TCF3: variants seen among roughly 807,000 people sequenced by gnomAD.
The protein encoded by TCF3 is transcription factor 3.
In TCF3, 54 loss-of-function variants were observed where a neutral mutation model predicts 72.3. The observed-to-expected ratio is 0.75, with a 90% CI of 0.60 to 0.94. The LOEUF (loss-of-function observed/expected upper bound fraction) is 0.94, where lower values mean the gene tolerates loss of function less well. TCF3 is among the 40% of genes least tolerant of loss of function. The probability of loss-of-function intolerance (pLI) is 0.00; values close to 1 mark genes in which losing one functional copy is unlikely to be tolerated. For synonymous variants in TCF3, 525 were observed against 412.6 expected (o/e 1.27, Z -3.30); for missense variants, 1,078 against 934.4 (o/e 1.15, Z -2.00).
chr19:1,613,207 T>C (rs750253617), intron 18 of TCF3, among the ~76,000 whole-genome samples: 7 of 152,148 alleles, frequency 4.6e-5, no homozygotes, highest in Non-Finnish European at 1.0e-4. Flanking sequence ...ACGCGGCGAA[T>C]GTGCTCCCTG....
rs765976155 is a variant in TCF3, at chr19:1,620,993, G to C, written c.1068C>G (p.Pro356=). Residue 356 remains proline (P), a synonymous_variant, in exon 13 of 19, where the codon CCC becomes CCG. Coordinates refer to ENST00000262965, the MANE Select transcript of TCF3 (RefSeq NM_003200.5). ...SNNFSSSPST[P]VGSPQGLAGT... ...CTGCCAGGCCCTGGGGGGAGCCCAC[G>C]GGGGTAGAAGGGCTGGACGAGAAGT... is the stretch of plus-strand genomic sequence containing the variant. The C allele has an allele frequency of 2.0e-6, 3 of 1,513,240 alleles. No homozygotes were observed. Among genetic ancestry groups the C allele is most frequent in the Non-Finnish European group, 8.8e-7 (1 of 1,131,692 alleles). 93.7% of individuals were successfully genotyped at this position (1,513,240 alleles called of 1,614,324 possible).
chr19:1,610,963 G>A lies in TCF3; in HGVS notation c.*744C>T, dbSNP rs2145686499. 2 of 228,424 alleles carry A rather than the reference G, an allele frequency of 8.8e-6. No individual in the cohort carries two copies. The highest frequency in any genetic ancestry group is 6.2e-5 in the East Asian group (1 of 16,078). 14.1% of individuals were successfully genotyped at this position (228,424 alleles called of 1,614,324 possible). ...GACGGGGGGGCTCAGGTTTACACGG[G>A]GTCTTTTTAATACAACGTTTAATCA... On this transcript the variant is annotated 3_prime_UTR_variant, in exon 19 of 19. Transcript: ENST00000262965.
In TCF3 at chr19:1,625,590, G is replaced by A; in HGVS notation, c.485C>T (p.Ala162Val). 6.3e-7 allele frequency: 1 copy of A among 1,584,894 alleles called. No individual in the cohort carries two copies. Among genetic ancestry groups the A allele is most frequent in the Non-Finnish European group, 8.6e-7 (1 of 1,168,442 alleles). Residue 162 changes from alanine (A) to valine (V), a missense_variant, in exon 7 of 19, where the codon GCA becomes GTA. Transcript: ENST00000262965. ...SYSGSSRRRA[A>V]DGSLDTQPKK... ...ACCCCGCTCACCTAGGCTGCCGTCT[G>A]CCGCTCTCCGCCGGGAGCTGCCGGA... is the stretch of plus-strand genomic sequence containing the variant.
chr19:1,626,742 C>A (rs993627173), intron 6 of TCF3, among the ~76,000 whole-genome samples: 5 of 152,178 alleles, frequency 3.3e-5, no homozygotes, highest in Admixed American at 2.0e-4. Context: ...CTGCCCCTGG[C>A]GCAGAGCCTG....
chr19:1,629,353 G>A (rs932493957), intron 5 of TCF3, among the ~76,000 whole-genome samples: 3 of 151,502 alleles, frequency 2.0e-5, no homozygotes, highest in Admixed American at 1.3e-4. Context: ...CCAGCATTCA[G>A]CCTTCAGGCC....
At chr19:1,630,053 C>G (rs976216376) in intron 5 of TCF3, among the ~76,000 whole-genome samples, 2 of 152,240 alleles carry the variant, frequency 1.3e-5, no homozygotes, top group Non-Finnish European at 2.9e-5. Flanking sequence ...CCTCTCCAAG[C>G]TGCCTGGCTA....
chr19:1,650,107 C>T (rs916447991), intron 2 of TCF3, 70 bp downstream of exon 2: 17 of 1,411,744 alleles, frequency 1.2e-5, no homozygotes, highest in Non-Finnish European at 1.5e-5. Flanking sequence ...CAAACACTCT[C>T]CCCTGAAAAC....
Position 1,650,319 on chromosome 19 carries a change from G to C in TCF3, c.-39-32C>G, listed in dbSNP as rs908956972. The C allele has an allele frequency of 2.7e-5, 39 of 1,434,674 alleles. No homozygotes were observed. In the Admixed American group the frequency reaches 7.3e-4, roughly 27 times the overall value. The allele number at this position is 1,434,674 out of a possible 1,614,324, so 88.9% of individuals were successfully genotyped here. A position where few individuals can be genotyped will look rare whatever the true frequency, so the allele number is the denominator to read the frequency against. On this transcript the variant is annotated intron_variant, in intron 1 of 18. Coordinates refer to ENST00000262965, the MANE Select transcript of TCF3 (RefSeq NM_003200.5). ...GGTGGATGTGGGGACAGATGGACAG[G>C]GAGAAACAGGGAGGGGAGAAGAGTT...
chr19:1,640,674 C>T (rs185953031), intron 3 of TCF3, among the ~76,000 whole-genome samples: 195 of 151,988 alleles, frequency 1.3e-3, no homozygotes, highest in Middle Eastern at 3.4e-3. Flanking sequence ...AAAACTTAGC[C>T]GGCACCTGTA....
At chr19:1,639,447 G>A (rs1431034509) in intron 3 of TCF3, among the ~76,000 whole-genome samples, 1 of 152,146 alleles carries the variant, frequency 6.6e-6, no homozygotes, top group Non-Finnish European at 1.5e-5. Flanking sequence ...TACGTCAACA[G>A]AGAAACCGAC....
At chr19:1,621,670 C>G (rs2062236207) in intron 11 of TCF3, among the ~76,000 whole-genome samples, 168 bp downstream of exon 11, 1 of 152,200 alleles carries the variant, frequency 6.6e-6, no homozygotes, top group South Asian at 2.1e-4. Flanking sequence ...AAGCCCAACG[C>G]ACGTGGCAGG....
intron 3 of TCF3, among the ~76,000 whole-genome samples, chr19:1,643,552 G>T (rs1666583903): frequency 6.6e-6 from 1 of 151,980 alleles, no homozygotes; most frequent in Non-Finnish European, 1.5e-5. Flanking sequence ...GGGTCTCTCA[G>T]TCACCCAGGC....
intron 12 of TCF3, 38 bp from the exon 13 acceptor site, chr19:1,621,084 C>G: frequency 6.6e-7 from 1 of 1,518,558 alleles, no homozygotes; most frequent in Non-Finnish European, 8.9e-7. Context: ...GGTCAGGGGC[C>G]GGCCTCTCAG....
At chr19:1,617,135 A>G (rs2061629306) in intron 16 of TCF3, among the ~76,000 whole-genome samples, 1 of 152,280 alleles carries the variant, frequency 6.6e-6, no homozygotes, top group South Asian at 2.1e-4. Context: ...GGACCTGAAC[A>G]GTCAAAATCT....
chr19:1,648,122 G>T (rs564992710), intron 2 of TCF3, among the ~76,000 whole-genome samples: 1 of 152,206 alleles, frequency 6.6e-6, no homozygotes, highest in Admixed American at 6.5e-5. Flanking sequence ...ACAAAGGCGC[G>T]CTGGGAACAG....
rs760553568 is a variant in TCF3 at position 1,622,327 on chromosome 19, G to A, written c.638C>T (p.Pro213Leu). 6.5e-7 allele frequency: 1 copy of A among 1,533,798 alleles called. No homozygotes were observed. The highest frequency in any genetic ancestry group is 1.3e-5 in the South Asian group (1 of 78,934). The stretch of plus-strand genomic sequence containing the variant: ...CTGCCATGTACCTGCCACGTAGAAG[G>A]GGGCGGGATAGGTGCTGCTGGGGGT... ...AKTPSSTYPAPFYVADGSLHP... is the reference protein window; with the variant it reads ...AKTPSSTYPALFYVADGSLHP... The change falls in exon 9 of 19, where the codon CCC (proline) becomes CTC (leucine). Residue 213 changes from proline to leucine, a missense_variant. Transcript: ENST00000262965.
At position 1,625,683 on chromosome 19, in the gene TCF3, G is replaced by A; in HGVS notation, c.392C>T (p.Ala131Val). ...TQAGFLSGEL[A>V]LNSPGPLSPS... is the part of the protein sequence containing the mutation. ...GGACAGGGGCCCGGGGCTGTTGAGG[G>A]CCAGCTCGCCTGACAGGAAGCCAGC... The change falls in exon 7 of 19, where the codon GCC (alanine) becomes GTC (valine). Residue 131 changes from alanine to valine, a missense_variant. By Grantham distance (64) the Ala-to-Val change is moderately conservative. Transcript: ENST00000262965. 6.6e-7 allele frequency: 1 copy of A among 1,518,612 alleles called. No individual in the cohort carries two copies. Among genetic ancestry groups the A allele is most frequent in the Non-Finnish European group, 8.8e-7 (1 of 1,139,966 alleles). 94.1% of individuals were successfully genotyped at this position (1,518,612 alleles called of 1,614,324 possible).
chr19:1,651,703 G>A (rs553758706), intron 1 of TCF3, among the ~76,000 whole-genome samples: 1 of 151,116 alleles, frequency 6.6e-6, no homozygotes, highest in Non-Finnish European at 1.5e-5. Flanking sequence ...CCCTCCCCCC[G>A]CAGCCGGTGC....
Position 1,625,686 on chromosome 19 carries a change from A to T in TCF3, c.389T>A (p.Leu130Gln), listed in dbSNP as rs1395209793. ...LTQAGFLSGE[L>Q]ALNSPGPLSP... ...CAGGGGCCCGGGGCTGTTGAGGGCC[A>T]GCTCGCCTGACAGGAAGCCAGCCTG... Residue 130 changes from leucine to glutamine, a missense_variant, in exon 7 of 19, where the codon CTG (leucine) becomes CAG (glutamine). Transcript: ENST00000262965. 1.3e-6 allele frequency: 2 copies of T among 1,518,504 alleles called. No homozygotes were observed. Among genetic ancestry groups the T allele is most frequent in the Admixed American group, 2.4e-5 (1 of 41,102 alleles). 94.1% of individuals were successfully genotyped at this position (1,518,504 alleles called of 1,614,324 possible).
Sources: allele counts gnomAD v4.1 joint callset (sites outside exome capture counted in the v4.1 genomes callset), GRCh38; gene constraint gnomAD v4.1.1; transcripts MANE v1.5; gene names NCBI Gene and HGNC (gene_info 2026-07-23, HGNC 2026-07-21).